The following ASB5 variants were observed in gnomAD, a reference collection of about 807,000 sequenced individuals.
ASB5 encodes ankyrin repeat and SOCS box containing 5.
ASB5 carries 45 observed loss-of-function variants against 42.1 expected under a neutral mutation model. That is an observed-to-expected ratio of 1.07 (90% CI 0.84 to 1.37). The LOEUF is 1.37. ASB5 is among the 40% of genes most tolerant of loss of function. ASB5 has a pLI of 0.00. For missense variants in ASB5, 402 were observed against 399.8 expected (o/e 1.01, Z -0.05); for synonymous variants, 147 against 150.6 (o/e 0.98, Z 0.18).
At chr4:176,241,746 C>T in intron 1 of ASB5, 1 of 1,052,368 alleles carries the variant, frequency 9.5e-7, no homozygotes. Context: ...AGTTGTTATC[C>T]AACAGTTAAC....
At chr4:176,263,424 A>C (rs528933265) in intron 1 of ASB5, among the ~76,000 whole-genome samples, 2 of 152,276 alleles carry the variant, frequency 1.3e-5, no homozygotes, top group East Asian at 3.9e-4. Flanking sequence ...GATTTGCAGG[A>C]TTATAATGGT....
chr4:176,257,180 T>C (rs1579332780), intron 1 of ASB5, among the ~76,000 whole-genome samples: 1 of 152,190 alleles, frequency 6.6e-6, no homozygotes, highest in East Asian at 1.9e-4. Context: ...TTAAGCAGCT[T>C]TGACTCTTTC....
intron 1 of ASB5, among the ~76,000 whole-genome samples, chr4:176,229,576 A>G (rs569645470): frequency 6.6e-6 from 1 of 152,250 alleles, no homozygotes; most frequent in South Asian, 2.1e-4. Context: ...TAAGTATCCA[A>G]ATCGCATCCC....
Position 176,241,158 on chromosome 4 carries a change from G to A in ASB5, c.197-15817C>T, listed in dbSNP as rs75915366. 4.7e-4 allele frequency among the ~76,000 whole-genome samples: 72 copies of A among 151,936 alleles called. No individual in the cohort carries two copies. The East Asian group carries it at 0.013, about 27-fold the overall frequency. Reference sequence around the variant, plus strand: ...TAATTATAACCGCAATATCATAATCGCAAAAACAGCAATACTATAATATTA... The same window carrying A: ...TAATTATAACCGCAATATCATAATCACAAAAACAGCAATACTATAATATTA... On this transcript the variant is annotated intron_variant, in intron 1 of 6. Coordinates refer to ENST00000296525, the MANE Select transcript of ASB5 (RefSeq NM_080874.4).
chr4:176,241,761 G>T, intron 1 of ASB5: 1 of 914,386 alleles, frequency 1.1e-6, no homozygotes, highest in Non-Finnish European at 1.4e-6. Flanking sequence ...GTTAACCTTT[G>T]TTCCAAAGGT....
intron 1 of ASB5, among the ~76,000 whole-genome samples, chr4:176,245,761 G>A (rs550311013): frequency 8.4e-4 from 128 of 152,182 alleles, no homozygotes; most frequent in Non-Finnish European, 1.4e-3. Context: ...CATGGATGAA[G>A]CTGGAAACCA....
At chr4:176,218,126 T>TATATATATATGTATGATATATAA (rs1753025753) in intron 5 of ASB5, among the ~76,000 whole-genome samples, 1 of 126,514 alleles carries the variant, frequency 7.9e-6, no homozygotes, top group Non-Finnish European at 1.8e-5. Flanking sequence ...GTAATTTCTA[T>TATATATATATGTATGATATATAA]ATATATATAT....
intron 1 of ASB5, among the ~76,000 whole-genome samples, chr4:176,255,657 A>G (rs946642822): frequency 6.6e-6 from 1 of 152,206 alleles, no homozygotes; most frequent in East Asian, 1.9e-4. Context: ...GAGCTAAACA[A>G]TGTGTACTCA....
chr4:176,260,620 C>T (rs1420580518), intron 1 of ASB5, among the ~76,000 whole-genome samples: 1 of 152,160 alleles, frequency 6.6e-6, no homozygotes, highest in East Asian at 1.9e-4. Flanking sequence ...GAATAAATGA[C>T]TTGTTCCCTA....
chr4:176,235,538 A>G (rs754265116), intron 1 of ASB5, among the ~76,000 whole-genome samples: 3 of 152,214 alleles, frequency 2.0e-5, no homozygotes, highest in Non-Finnish European at 2.9e-5. Context: ...ATATGTATTT[A>G]ATCATATAGC....
At chr4:176,222,665 G>A (rs1753252210) in intron 2 of ASB5, among the ~76,000 whole-genome samples, 1 of 152,116 alleles carries the variant, frequency 6.6e-6, no homozygotes, top group Non-Finnish European at 1.5e-5. Context: ...TGGTTCAATA[G>A]ATTCTGGCAC....
chr4:176,243,775 A>G (rs1353914379), intron 1 of ASB5, among the ~76,000 whole-genome samples: 1 of 152,162 alleles, frequency 6.6e-6, no homozygotes, highest in Non-Finnish European at 1.5e-5. Context: ...AAATGCTGGT[A>G]TTACAGGCAT....
At chr4:176,241,930 A>G (rs1753819592) in intron 1 of ASB5, among the ~76,000 whole-genome samples, 1 of 152,148 alleles carries the variant, frequency 6.6e-6, no homozygotes, top group Non-Finnish European at 1.5e-5. Flanking sequence ...GTCCTCAATG[A>G]CGTAGATGAC....
chr4:176,236,649 T>C (rs1753691540), intron 1 of ASB5, among the ~76,000 whole-genome samples: 1 of 152,196 alleles, frequency 6.6e-6, no homozygotes, highest in Admixed American at 6.5e-5. Context: ...GCTCCAGCTA[T>C]TACATAGTAA....
intron 1 of ASB5, among the ~76,000 whole-genome samples, chr4:176,260,190 T>C (rs1453309118): frequency 1.3e-5 from 2 of 152,208 alleles, no homozygotes; most frequent in East Asian, 1.9e-4. Flanking sequence ...TTTATGAAAG[T>C]AGAGTTGTTC....
chr4:176,274,089 G>C (rs1321309596), upstream of ASB5, among the ~76,000 whole-genome samples: 1 of 152,150 alleles, frequency 6.6e-6, no homozygotes, highest in Non-Finnish European at 1.5e-5. Flanking sequence ...GGGAGGCTAA[G>C]ATAGCAAGAT....
chr4:176,254,537 C>CAAA (rs60761708), intron 1 of ASB5, among the ~76,000 whole-genome samples: 1 of 144,250 alleles, frequency 6.9e-6, no homozygotes, highest in African/African-American at 2.6e-5. Flanking sequence ...AAAGCAATTG[C>CAAA]AAAAAAAAAA....
intron 1 of ASB5, among the ~76,000 whole-genome samples, chr4:176,231,547 G>T (rs1753544016): frequency 6.6e-6 from 1 of 151,642 alleles, no homozygotes; most frequent in Admixed American, 6.6e-5. Context: ...TGTGGCCGGG[G>T]GTGGGTGGCT....
upstream of ASB5, chr4:176,269,352 A>G (rs986394233): frequency 1.0e-4 from 34 of 339,910 alleles, no homozygotes; most frequent in Non-Finnish European, 1.2e-4. Context: ...CATTCTCAAT[A>G]TAAAATGACA....
Sources: gnomAD v4.1 joint callset for allele counts (sites outside exome capture counted in the v4.1 genomes callset) on GRCh38, gnomAD v4.1.1 for gene constraint, MANE v1.5 for transcripts, NCBI Gene and HGNC (gene_info 2026-07-23, HGNC 2026-07-21) for gene names.